The following TALDO1 variants were observed in gnomAD, a reference collection of about 807,000 sequenced individuals.
The protein encoded by TALDO1 is transaldolase 1, also known as transaldolase.
In TALDO1, 29 loss-of-function variants were observed where a neutral mutation model predicts 38.1. The ratio of observed to expected loss-of-function variants is 0.76; its 90% confidence interval spans 0.57 to 1.04. The LOEUF (loss-of-function observed/expected upper bound fraction) is 1.04, where lower values mean the gene tolerates loss of function less well. Ranked by LOEUF, TALDO1 falls within the 50% of genes least tolerant of loss-of-function variation. TALDO1 has a pLI of 0.00. For missense variants in TALDO1, 499 were observed against 438.1 expected (o/e 1.14, Z -1.24); for synonymous variants, 207 against 176.8 (o/e 1.17, Z -1.36).
intron 1 of TALDO1, among the ~76,000 whole-genome samples, chr11:753,404 G>A (rs190116695): frequency 0.02 from 3,022 of 152,176 alleles, 95 homozygotes; most frequent in African/African-American, 0.069. Context: ...AGTGGCGGGC[G>A]CCTGTAGTCC....
rs1023791993 is a variant in TALDO1, at chr11:763,488, CAAG to C, written c.609_611del (p.Lys204del). The stretch of plus-strand genomic sequence containing the variant: ...TTGATTGGCATGTGGCAAACACCGA[CAAG>C]AAATCCTATGAGCCCCTGGAAGACC... On this transcript the variant is annotated inframe_deletion, in exon 5 of 8. Coordinates refer to ENST00000319006, the MANE Select transcript of TALDO1 (RefSeq NM_006755.2). 3.7e-6 allele frequency: 6 copies of C among 1,613,502 alleles called. No individual in the cohort carries two copies. The highest frequency in any genetic ancestry group is 5.1e-6 in the Non-Finnish European group (6 of 1,179,946).
chr11:757,447 C>T (rs1862857834), intron 2 of TALDO1, among the ~76,000 whole-genome samples: 1 of 152,024 alleles, frequency 6.6e-6, no homozygotes, highest in Non-Finnish European at 1.5e-5. Flanking sequence ...TGCACGCCAC[C>T]ACACCTGGCT....
intron 4 of TALDO1, chr11:760,615 A>C (rs1862911535): frequency 6.9e-6 from 2 of 290,168 alleles, no homozygotes; most frequent in East Asian, 8.5e-5. Context: ...TTGTTATATA[A>C]AATATATGCT....
Position 764,825 on chromosome 11 carries a change from A to G in TALDO1, c.994A>G (p.Asn332Asp). The G allele has an allele frequency of 1.2e-6, 2 of 1,614,176 alleles. No homozygotes were observed. The highest frequency in any genetic ancestry group is 1.7e-6 in the Non-Finnish European group (2 of 1,180,040). ...TGTTTGTTTCTAGGAACGAATGTTC[A>G]ATGCAGAGAATGGAAAGTAGCGCAT... ...LERMLTERMF[N>D]AENGK Residue 332 changes from asparagine (N) to aspartate (D), a missense_variant, in exon 8 of 8, where the codon AAT (asparagine) becomes GAT (aspartate). Physicochemically the swap from Asn to Asp is conservative, Grantham distance 23. Transcript: ENST00000319006.
chr11:764,668 GT>G, intron 7 of TALDO1, 144 bp from the exon 8 acceptor site: 1 of 1,401,052 alleles, frequency 7.1e-7, no homozygotes, highest in East Asian at 2.3e-5. Context: ...TGTGGTGACT[GT>G]GGTATTGGCC....
At chr11:750,668 CA>C (rs531791767) in intron 1 of TALDO1, among the ~76,000 whole-genome samples, 3 of 151,742 alleles carry the variant, frequency 2.0e-5, no homozygotes, top group African/African-American at 7.3e-5. Context: ...ACTAAAAATA[CA>C]AAAAAATTAT....
intron 1 of TALDO1, among the ~76,000 whole-genome samples, chr11:751,055 T>A (rs1862741501): frequency 6.6e-6 from 1 of 152,016 alleles, no homozygotes; most frequent in Non-Finnish European, 1.5e-5. Context: ...TGGGTTTTTG[T>A]TTTTGGGGTT....
chr11:759,169 G>A (rs949241296), intron 3 of TALDO1, 112 bp downstream of exon 3: 14 of 908,094 alleles, frequency 1.5e-5, no homozygotes, highest in Non-Finnish European at 2.3e-5. Context: ...CATCCCAAGG[G>A]CCCAAGAGGA....
intron 1 of TALDO1, chr11:752,302 G>C (rs976403161): frequency 2.0e-5 from 3 of 150,946 alleles, no homozygotes; most frequent in Admixed American, 1.3e-4. Flanking sequence ...GGATGGTCTG[G>C]ATCTCCTGAC....
In TALDO1 at chr11:764,230, G is replaced by A. The variant is rs968638749; in HGVS notation, c.836-58G>A. 28 of 1,613,238 alleles carry A rather than the reference G, an allele frequency of 1.7e-5. No individual in the cohort carries two copies. In the South Asian group the frequency reaches 3.0e-4, roughly 17 times the overall value. ...GCAGCAGTTCAGGCCCTGAGCCCAA[G>A]GGGCCAAGGTGGGCAGGGACATGGA... On this transcript the variant is annotated intron_variant, in intron 6 of 7. Transcript: ENST00000319006.
intron 3 of TALDO1, 151 bp from the exon 4 acceptor site, chr11:759,971 C>T: frequency 9.3e-7 from 1 of 1,075,502 alleles, no homozygotes; most frequent in Non-Finnish European, 1.4e-6. Flanking sequence ...AGCCATTCTG[C>T]AAACCTCCAG....
At chr11:751,700 C>T (rs951579622) in intron 1 of TALDO1, among the ~76,000 whole-genome samples, 14 of 152,086 alleles carry the variant, frequency 9.2e-5, no homozygotes, top group Non-Finnish European at 7.3e-5. Flanking sequence ...GAGGCTGAGG[C>T]GAGATAATTG....
intron 1 of TALDO1, among the ~76,000 whole-genome samples, chr11:753,014 G>A (rs1453891800): frequency 6.6e-6 from 1 of 152,166 alleles, no homozygotes; most frequent in Non-Finnish European, 1.5e-5. Flanking sequence ...CTTGTTTGGT[G>A]CGTGGGGAGA....
intron 1 of TALDO1, among the ~76,000 whole-genome samples, chr11:753,247 A>AG (rs1301292161): frequency 1.3e-5 from 2 of 151,958 alleles, no homozygotes; most frequent in Non-Finnish European, 2.9e-5. Flanking sequence ...TACAAAAAAA[A>AG]AAGGCCGGGT....
chr11:753,660 G>A (rs1051747348), intron 1 of TALDO1, among the ~76,000 whole-genome samples: 1 of 152,096 alleles, frequency 6.6e-6, no homozygotes, highest in African/African-American at 2.4e-5. Flanking sequence ...GGAGTTGGAG[G>A]TTGCAGTGAG....
In TALDO1 at chr11:764,445, G is replaced by A. The variant is rs1348568046; in HGVS notation, c.981+12G>A. ...AGCGGATGCTGACAGTGAGTGTTGT[G>A]TGTGGGTACCTACATATGCCAAGCC... On this transcript the variant is annotated intron_variant, in intron 7 of 7. Coordinates refer to ENST00000319006, the MANE Select transcript of TALDO1 (RefSeq NM_006755.2). 3.7e-6 allele frequency: 6 copies of A among 1,609,194 alleles called. No homozygotes were observed. The highest frequency in any genetic ancestry group is 5.1e-6 in the Non-Finnish European group (6 of 1,176,808).
intron 1 of TALDO1, among the ~76,000 whole-genome samples, chr11:755,214 G>A (rs1265824007): frequency 2.2e-5 from 3 of 139,222 alleles, no homozygotes; most frequent in Non-Finnish European, 3.0e-5. Context: ...GCGCGATCTC[G>A]GCTCACTGCA....
rs879038670 is a variant in TALDO1, at chr11:747,579, G to A, written c.97+1G>A. On this transcript the variant is annotated splice_donor_variant, in intron 1 of 7. Coordinates refer to ENST00000319006, the MANE Select transcript of TALDO1 (RefSeq NM_006755.2). LOFTEE classifies it high-confidence loss of function. ...GTGGCCGACACGGGCGACTTCCACG[G>A]TGAGGACGGCGCGGAGCCCGGGCGC... 1.3e-5 allele frequency: 20 copies of A among 1,573,476 alleles called. No homozygotes were observed. The highest frequency in any genetic ancestry group is 1.5e-5 in the Non-Finnish European group (18 of 1,162,872).
At chr11:764,101 C>A in intron 6 of TALDO1, 157 bp downstream of exon 6, 1 of 1,343,220 alleles carries the variant, frequency 7.4e-7, no homozygotes, top group Non-Finnish European at 1.0e-6. Context: ...GCTTTCCTAA[C>A]ACATCTCACT....
Sources: allele counts gnomAD v4.1 joint callset (sites outside exome capture counted in the v4.1 genomes callset), GRCh38; gene constraint gnomAD v4.1.1; transcripts MANE v1.5; gene names NCBI Gene and HGNC (gene_info 2026-07-23, HGNC 2026-07-21).